The following DNAH8 variants were observed in gnomAD, a reference collection of about 807,000 sequenced individuals.
The protein encoded by DNAH8 is dynein axonemal heavy chain 8.
A neutral mutation model predicts 562.1 loss-of-function variants in DNAH8; 382 were observed. The ratio of observed to expected loss-of-function variants is 0.68; its 90% CI spans 0.63 to 0.74. The LOEUF is 0.74. Ranked by LOEUF, DNAH8 falls within the 30% of genes least tolerant of loss-of-function variation. The probability of loss-of-function intolerance (pLI) is 0.00; values close to 1 mark genes in which losing one functional copy is unlikely to be tolerated. For synonymous variants in DNAH8, 1,881 were observed against 1,919.4 expected (o/e 0.98, Z 0.52); for missense variants, 5,203 against 5,620.4 (o/e 0.93, Z 2.37).
In DNAH8 at chr6:39,010,801, G is replaced by GCACA. The variant is rs59768434; in HGVS notation, c.13372-1398_13372-1395dup. On this transcript the variant is annotated intron_variant, in intron 89 of 92. Coordinates refer to ENST00000327475, the MANE Select transcript of DNAH8 (RefSeq NM_001206927.2). Reference sequence around the variant, plus strand: ...TATATACACACACACGCACGTGTACGCACACACACACACACACACGTATGT... The same window carrying GCACA: ...TATATACACACACACGCACGTGTACGCACACACACACACACACACACACGTATGT... 3.6e-3 allele frequency among the ~76,000 whole-genome samples: 515 copies of GCACA among 141,972 alleles called. 3 individuals carry two copies. Among genetic ancestry groups the GCACA allele is most frequent in the Non-Finnish European group, 5.2e-3 (338 of 65,370 alleles). The allele number at this position is 141,972 out of a possible 152,430, so 93.1% of individuals were successfully genotyped here.
chr6:38,748,775 A>ATAATAG (rs1765174903), intron 8 of DNAH8, among the ~76,000 whole-genome samples: 1 of 147,858 alleles, frequency 6.8e-6, no homozygotes, highest in Non-Finnish European at 1.5e-5. Flanking sequence ...AATAATAATA[A>ATAATAG]TAATAATAAT....
In DNAH8 at chr6:39,029,505, A is replaced by G. The variant is rs548309217; in HGVS notation, c.13837-600A>G. ...CCTATGCATCTTATCTCCCTGATTT[A>G]ATGATGAGGAACCCCAGGGTAGGGC... is the stretch of plus-strand genomic sequence containing the variant. On this transcript the variant is annotated intron_variant, in intron 92 of 92. Transcript: ENST00000327475. 4.6e-5 allele frequency among the ~76,000 whole-genome samples: 7 copies of G among 152,330 alleles called. No individual in the cohort carries two copies. The East Asian group carries it at 1.3e-3, about 29-fold the overall frequency.
At chr6:38,807,772 AC>A in intron 24 of DNAH8, 56 bp downstream of exon 24, 2 of 866,756 alleles carry the variant, frequency 2.3e-6, no homozygotes, top group South Asian at 6.5e-5. Flanking sequence ...TGTGAATAGC[AC>A]CTCTTATAAA....
chr6:38,802,256 T>A lies in DNAH8; in HGVS notation c.2902-923T>A, dbSNP rs549813730. The stretch of plus-strand genomic sequence containing the variant: ...CGGCCCTGATTTACTTTTACGTTTT[T>A]TTTTTAGAGATGAGGTCTTGTGCTG... On this transcript the variant is annotated intron_variant, in intron 21 of 92. Transcript: ENST00000327475. Among the ~76,000 whole-genome samples, 4 of 152,122 alleles carry A rather than the reference T, an allele frequency of 2.6e-5. No individual in the cohort carries two copies. In the East Asian group the frequency reaches 5.8e-4, roughly 22 times the overall value.
intron 3 of DNAH8, 87 bp downstream of exon 3, chr6:38,723,558 AC>A: frequency 6.9e-7 from 1 of 1,448,340 alleles, no homozygotes; most frequent in South Asian, 1.4e-5. Context: ...AACAGCAACA[AC>A]AACAACAAAA....
At chr6:38,779,454 G>A (rs1418002887) in intron 14 of DNAH8, among the ~76,000 whole-genome samples, 1 of 152,072 alleles carries the variant, frequency 6.6e-6, no homozygotes. Context: ...TTACCAGAAT[G>A]TTGTAGTTTT....
chr6:39,011,732 G>C (rs10484849), intron 89 of DNAH8, among the ~76,000 whole-genome samples: 16,626 of 152,228 alleles, frequency 0.11, 1,099 homozygotes, highest in Admixed American at 0.2. Flanking sequence ...CATAGCTAAG[G>C]CAACAATGAT....
chr6:38,782,102 T>G (rs1562765387), intron 16 of DNAH8, among the ~76,000 whole-genome samples: 1 of 151,970 alleles, frequency 6.6e-6, no homozygotes, highest in African/African-American at 2.4e-5. Flanking sequence ...TTTGCTGCCA[T>G]CATTTGTGTC....
At chr6:38,729,794 C>A in intron 3 of DNAH8, 108 bp from the exon 4 acceptor site, 2 of 629,404 alleles carry the variant, frequency 3.2e-6, no homozygotes, top group South Asian at 2.0e-5. Flanking sequence ...TCTAATCTTG[C>A]CTTTATGTAC....
intron 7 of DNAH8, among the ~76,000 whole-genome samples, chr6:38,738,899 GA>G (rs1363911117): frequency 6.6e-6 from 1 of 151,192 alleles, no homozygotes; most frequent in African/African-American, 2.4e-5. Flanking sequence ...ATTTTTTTTT[GA>G]AAAATCTTTG....
At chr6:38,814,272 ATATC>A in intron 25 of DNAH8, 143 bp downstream of exon 25, 4 of 605,832 alleles carry the variant, frequency 6.6e-6, no homozygotes, top group South Asian at 2.2e-5. Context: ...AATGTCATTT[ATATC>A]TGTTATGAAA....
chr6:38,755,297 G>GCCTA (rs1345798884), intron 9 of DNAH8, among the ~76,000 whole-genome samples: 1 of 152,144 alleles, frequency 6.6e-6, no homozygotes, highest in Non-Finnish European at 1.5e-5. Context: ...AACGCTCTTA[G>GCCTA]CCTAGTGCCT....
chr6:38,763,146 G>T, intron 11 of DNAH8: 1 of 315,544 alleles, frequency 3.2e-6, no homozygotes, highest in South Asian at 2.9e-5. Context: ...TAAAATGTAT[G>T]ACCCAGTGAA....
In DNAH8 at chr6:38,826,160, G is replaced by A. The variant is rs1201989372; in HGVS notation, c.3852G>A (p.Pro1284=). ...VVGALELHTE[P]MKLALSIEAK... The stretch of plus-strand genomic sequence containing the variant: ...ATTTCTTCTTGTCTTCATCAGAGCC[G>A]ATGAAATTGGCCTTATCCATCGAGG... The change falls in exon 29 of 93, where the codon CCG becomes CCA. Residue 1284 remains proline, a synonymous_variant. Coordinates refer to ENST00000327475, the MANE Select transcript of DNAH8 (RefSeq NM_001206927.2). 3.1e-6 allele frequency: 5 copies of A among 1,593,008 alleles called. No individual in the cohort carries two copies. Among genetic ancestry groups the A allele is most frequent in the East Asian group, 2.2e-5 (1 of 44,576 alleles).
chr6:38,924,676 G>A (rs1190019399), intron 73 of DNAH8, among the ~76,000 whole-genome samples: 1 of 152,150 alleles, frequency 6.6e-6, no homozygotes, highest in East Asian at 1.9e-4. Context: ...GCTATGAACT[G>A]AAAGATCATT....
At chr6:38,989,027 G>T (rs1764597841) in intron 87 of DNAH8, among the ~76,000 whole-genome samples, 1 of 152,206 alleles carries the variant, frequency 6.6e-6, no homozygotes, top group Non-Finnish European at 1.5e-5. Context: ...TCTAAACTCA[G>T]CCTGCTCATG....
At chr6:38,922,703 G>T (rs1386782219) in intron 71 of DNAH8, among the ~76,000 whole-genome samples, 1 of 152,112 alleles carries the variant, frequency 6.6e-6, no homozygotes, top group East Asian at 1.9e-4. Flanking sequence ...AAATGACAAA[G>T]AACTCGGGAT....
chr6:38,771,843 A>G (rs546196081), intron 12 of DNAH8, among the ~76,000 whole-genome samples: 1 of 152,088 alleles, frequency 6.6e-6, no homozygotes, highest in South Asian at 2.1e-4. Context: ...TAATGTTGCT[A>G]TGAACATTTG....
chr6:39,027,860 G>T (rs763596556), intron 92 of DNAH8, among the ~76,000 whole-genome samples: 1 of 152,120 alleles, frequency 6.6e-6, no homozygotes, highest in Non-Finnish European at 1.5e-5. Flanking sequence ...AAAAAAGGTA[G>T]TTGTGAAGAT....
Sources: allele counts gnomAD v4.1 joint callset (sites outside exome capture counted in the v4.1 genomes callset), GRCh38; gene constraint gnomAD v4.1.1; transcripts MANE v1.5; gene names NCBI Gene and HGNC (gene_info 2026-07-23, HGNC 2026-07-21).